TMCC1: variants seen among roughly 807,000 people sequenced by gnomAD.
TMCC1 encodes the protein transmembrane and coiled-coil domains protein 1.
Under a neutral mutation model 52.4 loss-of-function variants are expected in TMCC1, and 15 were observed. The observed-to-expected ratio is 0.29, with a 90% confidence interval of 0.19 to 0.44. The LOEUF (loss-of-function observed/expected upper bound fraction) is 0.44. Ranked by LOEUF, TMCC1 falls within the 20% of genes least tolerant of loss-of-function variation. TMCC1 has a pLI of 1.00. For missense variants in TMCC1, 503 were observed against 806.0 expected (o/e 0.62, Z 4.55); for synonymous variants, 279 against 301.9 (o/e 0.92, Z 0.79).
intron 1 of TMCC1, among the ~76,000 whole-genome samples, chr3:129,881,534 C>T (rs898805774): frequency 6.6e-6 from 1 of 151,952 alleles, no homozygotes; most frequent in African/African-American, 2.4e-5. Context: ...GGCAGAGAAA[C>T]TAAAAGTTGA....
At chr3:129,796,843 T>C (rs1490764672) in intron 4 of TMCC1, among the ~76,000 whole-genome samples, 1 of 152,068 alleles carries the variant, frequency 6.6e-6, no homozygotes, top group Non-Finnish European at 1.5e-5. Context: ...AAATAAAAAC[T>C]AAATAAAACA....
chr3:129,686,067 CTCA>C (rs1189773240), intron 4 of TMCC1, among the ~76,000 whole-genome samples: 1 of 152,214 alleles, frequency 6.6e-6, no homozygotes, highest in African/African-American at 2.4e-5. Flanking sequence ...TCCTGGACCA[CTCA>C]TCCTGATTGA....
intron 4 of TMCC1, among the ~76,000 whole-genome samples, chr3:129,751,403 G>A (rs1252253394): frequency 1.3e-5 from 2 of 151,794 alleles, no homozygotes; most frequent in South Asian, 2.1e-4. Context: ...GGTGGCAAGT[G>A]CCTCTAGTCC....
At chr3:129,747,668 T>G (rs1479574403) in intron 4 of TMCC1, among the ~76,000 whole-genome samples, 1 of 152,142 alleles carries the variant, frequency 6.6e-6, no homozygotes, top group Non-Finnish European at 1.5e-5. Flanking sequence ...ACCTCCCTGG[T>G]GTAGATGTCA....
intron 4 of TMCC1, among the ~76,000 whole-genome samples, chr3:129,763,557 A>G (rs958653503): frequency 4.0e-5 from 6 of 149,658 alleles, no homozygotes; most frequent in Non-Finnish European, 7.4e-5. Flanking sequence ...AAAAAAAAAA[A>G]AAAAAAAAAA....
chr3:129,769,863 AATGCTCTTCAGT>A, intron 4 of TMCC1, among the ~76,000 whole-genome samples: 1 of 152,266 alleles, frequency 6.6e-6, no homozygotes, highest in East Asian at 1.9e-4. Context: ...GTACTTTTTA[AATGCTCTTCAGT>A]ATTAATCAGA....
intron 2 of TMCC1, among the ~76,000 whole-genome samples, chr3:129,860,143 G>A (rs2060321872): frequency 6.6e-6 from 1 of 152,016 alleles, no homozygotes; most frequent in Non-Finnish European, 1.5e-5. Context: ...TCTACCCTCA[G>A]GAATCAACTA....
intron 4 of TMCC1, among the ~76,000 whole-genome samples, chr3:129,807,661 A>AT (rs2057542005): frequency 6.6e-6 from 1 of 152,224 alleles, no homozygotes. Flanking sequence ...ATGGCACCAG[A>AT]TTTTTTGTCA....
chr3:129,687,958 G>A (rs1027631092), intron 4 of TMCC1, among the ~76,000 whole-genome samples: 2 of 152,182 alleles, frequency 1.3e-5, no homozygotes, highest in African/African-American at 4.8e-5. Context: ...GAAATTTCTG[G>A]CTTCTGTCTG....
At chr3:129,810,978 T>C (rs1307348828) in intron 4 of TMCC1, among the ~76,000 whole-genome samples, 1 of 152,236 alleles carries the variant, frequency 6.6e-6, no homozygotes, top group Non-Finnish European at 1.5e-5. Flanking sequence ...TCTAGTCCTA[T>C]CCTATGGTAA....
At chr3:129,766,490 T>G (rs1382448059) in intron 4 of TMCC1, among the ~76,000 whole-genome samples, 4 of 152,190 alleles carry the variant, frequency 2.6e-5, no homozygotes, top group African/African-American at 9.7e-5. Context: ...AATGTAGGCT[T>G]TAAAGTATTT....
chr3:129,755,283 A>G (rs1353032402), intron 4 of TMCC1, among the ~76,000 whole-genome samples: 1 of 152,186 alleles, frequency 6.6e-6, no homozygotes, highest in Non-Finnish European at 1.5e-5. Flanking sequence ...ATCATACCCC[A>G]AACCTCAGCA....
chr3:129,670,293 C>A (rs757417212), intron 5 of TMCC1, 37 bp downstream of exon 5: 2 of 1,582,990 alleles, frequency 1.3e-6, no homozygotes, highest in African/African-American at 2.7e-5. Context: ...GGGAACCCTA[C>A]ACAAATAATT....
intron 4 of TMCC1, among the ~76,000 whole-genome samples, chr3:129,735,009 C>T (rs1487984267): frequency 6.6e-6 from 1 of 150,888 alleles, no homozygotes; most frequent in African/African-American, 2.4e-5. Context: ...TCATGCTGTT[C>T]TCCTGCCTCA....
intron 4 of TMCC1, among the ~76,000 whole-genome samples, chr3:129,721,875 C>CAAAA (rs931247229): frequency 1.2e-4 from 1 of 8,648 alleles, no homozygotes; most frequent in African/African-American, 2.3e-4. Flanking sequence ...GACTCCGTCT[C>CAAAA]AAAAACAAAC....
intron 4 of TMCC1, among the ~76,000 whole-genome samples, chr3:129,823,052 G>A (rs1281960204): frequency 3.3e-5 from 5 of 152,154 alleles, no homozygotes; most frequent in Admixed American, 3.3e-4. Context: ...TTAGGCCAGC[G>A]CAGTGGCTCA....
intron 4 of TMCC1, among the ~76,000 whole-genome samples, chr3:129,694,805 C>T (rs1482161483): frequency 6.6e-6 from 1 of 152,216 alleles, no homozygotes; most frequent in East Asian, 1.9e-4. Context: ...GCTGCTCTGC[C>T]TATGGAGGCC....
chr3:129,729,465 T>A (rs549710176), intron 4 of TMCC1, among the ~76,000 whole-genome samples: 1 of 152,336 alleles, frequency 6.6e-6, no homozygotes, highest in South Asian at 2.1e-4. Flanking sequence ...AAAATAAAAC[T>A]ATTGAGCTTT....
chr3:129,863,216 T>C (rs1408021594), intron 2 of TMCC1, among the ~76,000 whole-genome samples: 1 of 152,242 alleles, frequency 6.6e-6, no homozygotes, highest in East Asian at 1.9e-4. Flanking sequence ...AAGCTATATA[T>C]ACATCTTTGA....
Sources: gnomAD v4.1 joint callset for allele counts (sites outside exome capture counted in the v4.1 genomes callset) on GRCh38, gnomAD v4.1.1 for gene constraint, MANE v1.5 for transcripts, NCBI Gene and HGNC (gene_info 2026-07-23, HGNC 2026-07-21) for gene names.